FLNB: variants seen among roughly 807,000 people sequenced by gnomAD.
The protein encoded by FLNB is filamin B.
In FLNB, 111 loss-of-function variants were observed where a neutral mutation model predicts 250.6. The observed-to-expected ratio is 0.44, with a 90% confidence interval of 0.38 to 0.52. The LOEUF (loss-of-function observed/expected upper bound fraction) is 0.52. Among genes scored for constraint, FLNB ranks in the 20% least tolerant of loss-of-function variants. The pLI, the probability that FLNB is intolerant of heterozygous loss-of-function variation, is 0.00. For synonymous variants in FLNB, 1,302 were observed against 1,372.1 expected, an observed-to-expected ratio of 0.95 and a Z score of 1.13; for missense variants, 2,869 against 3,447.8, an observed-to-expected ratio of 0.83 and a Z score of 4.20.
At chr3:58,058,395 C>T (rs2097173506) in intron 1 of FLNB, among the ~76,000 whole-genome samples, 1 of 152,130 alleles carries the variant, frequency 6.6e-6, no homozygotes, top group Non-Finnish European at 1.5e-5. Flanking sequence ...TTATGGGGCT[C>T]CATCCCTGCA....
At chr3:58,108,077 TGGGCCACACATAAAATA>T (rs2097262560) in intron 12 of FLNB, among the ~76,000 whole-genome samples, 1 of 150,334 alleles carries the variant, frequency 6.7e-6, no homozygotes, top group Admixed American at 6.7e-5. Flanking sequence ...AGAATTGTCT[TGGGCCACACATAAAATA>T]CTAATGATAG....
In FLNB at chr3:58,118,941, G is replaced by A. The variant is rs752189175; in HGVS notation, c.2815G>A (p.Ala939Thr). 2 of 1,614,124 alleles carry A rather than the reference G, an allele frequency of 1.2e-6. No homozygotes were observed. Among genetic ancestry groups the A allele is most frequent in the Non-Finnish European group, 1.7e-6 (2 of 1,179,994 alleles). Residue 939 changes from alanine to threonine, a missense_variant, in exon 19 of 46, where the codon GCT becomes ACT. Ala to Thr is a moderately conservative substitution (Grantham distance 58, BLOSUM62 0). Around this residue, in one of 5 missense-constraint regions of FLNB, gnomAD observed 1,348 missense variants for 1,466.7 expected, o/e 0.92. Transcript: ENST00000295956. Reference sequence around the variant, plus strand: ...TAAAAGCCCTTTCACTGTGGGTGTTGCTGCACCGCTGGATCTGAGCAAGAT... The same window carrying A: ...TAAAAGCCCTTTCACTGTGGGTGTTACTGCACCGCTGGATCTGAGCAAGAT... ...IPKSPFTVGV[A>T]APLDLSKIKL...
intron 16 of FLNB, among the ~76,000 whole-genome samples, chr3:58,111,282 TTAG>T (rs1435227245): frequency 6.6e-6 from 1 of 152,210 alleles, no homozygotes; most frequent in Admixed American, 6.5e-5. Context: ...AATGGAAATC[TTAG>T]TAGAATGTTC....
rs2097209454 is a variant in FLNB, at chr3:58,081,695, C to T, written c.706C>T (p.Gln236Ter). ...DEHSVMTYLS[Q>*]FPKAKLKPGA... ...GCACTCAGTTATGACTTACCTGTCC[C>T]AGTTCCCCAAAGCCAAGCTCAAGCC... Residue 236 changes from glutamine to a stop codon, truncating the protein, a stop_gained, in exon 4 of 46, where the codon CAG (glutamine) becomes TAG (stop). Transcript: ENST00000295956. LOFTEE classifies it high-confidence loss of function. 1.2e-6 allele frequency: 2 copies of T among 1,614,070 alleles called. No individual in the cohort carries two copies.
Position 58,148,494 on chromosome 3 carries a change from C to T in FLNB, c.5887+130C>T, listed in dbSNP as rs370757444. 4.9e-5 allele frequency: 62 copies of T among 1,254,434 alleles called. No individual in the cohort carries two copies. In the African/African-American group the frequency reaches 7.1e-4, roughly 14 times the overall value. 77.7% of individuals were successfully genotyped at this position (1,254,434 alleles called of 1,614,324 possible). On this transcript the variant is annotated intron_variant, in intron 35 of 45. Transcript: ENST00000295956. The stretch of plus-strand genomic sequence containing the variant: ...TGATAAACCTGCTGGGTCACACGCA[C>T]GATAAATGCCCAAGCGTATTTGTGC...
chr3:58,076,143 T>A (rs1197161582), intron 1 of FLNB, among the ~76,000 whole-genome samples: 1 of 152,152 alleles, frequency 6.6e-6, no homozygotes, highest in Non-Finnish European at 1.5e-5. Context: ...AATATGAAAA[T>A]GATTGATAAC....
In FLNB at chr3:58,124,425, C is replaced by T; in HGVS notation, c.3818C>T (p.Pro1273Leu). The T allele has an allele frequency of 1.2e-6, 2 of 1,614,194 alleles. No homozygotes were observed. Among genetic ancestry groups the T allele is most frequent in the Non-Finnish European group, 1.7e-6 (2 of 1,180,036 alleles). Residue 1273 changes from proline (P) to leucine (L), a missense_variant, in exon 22 of 46, where the codon CCC becomes CTC. By Grantham distance (98) the Pro-to-Leu change is moderately conservative (BLOSUM62 -3). Transcript: ENST00000295956. ...CACATCAAGGCCCACATTGCCAACC[C>T]CTCAGGGGCCTCCACCGAGTGCTTT... ...GDHIKAHIAN[P>L]SGASTECFVT... is the part of the protein sequence containing the mutation.
chr3:58,054,574 AAGG>A (rs1296905946), intron 1 of FLNB, among the ~76,000 whole-genome samples: 2 of 152,170 alleles, frequency 1.3e-5, no homozygotes, highest in Non-Finnish European at 2.9e-5. Context: ...AGGCCGCAGC[AAGG>A]AGAAGTGCAG....
At position 58,170,670 on chromosome 3, in the gene FLNB, T is replaced by C; in HGVS notation, c.7717T>C (p.Tyr2573His). ...AGGCAACCAGCAATACAACGTCACA[T>C]ACGTCGTCAAGGAGAGGGGCGATTA... ...HVGNQQYNVT[Y>H]VVKERGDYVL... is the part of the protein sequence containing the mutation. Residue 2573 changes from tyrosine to histidine, a missense_variant, in exon 46 of 46, where the codon TAC becomes CAC. This residue lies in a region of FLNB where 1,084 missense variants were observed against 1,315.5 expected (regional missense o/e 0.82). Coordinates refer to ENST00000295956, the MANE Select transcript of FLNB (RefSeq NM_001457.4). 6.2e-7 allele frequency: 1 copy of C among 1,614,088 alleles called. No homozygotes were observed. Among genetic ancestry groups the C allele is most frequent in the Non-Finnish European group, 8.5e-7 (1 of 1,180,008 alleles).
intron 6 of FLNB, among the ~76,000 whole-genome samples, 173 bp from the exon 7 acceptor site, chr3:58,097,642 T>G (rs2097241345): frequency 6.6e-6 from 1 of 152,122 alleles, no homozygotes; most frequent in African/African-American, 2.4e-5. Flanking sequence ...AGGGGCCAGG[T>G]GGGAGTCCCA....
chr3:58,076,348 G>A (rs367624490), intron 1 of FLNB, among the ~76,000 whole-genome samples: 5 of 151,774 alleles, frequency 3.3e-5, no homozygotes, highest in South Asian at 2.1e-4. Context: ...ACATACACAC[G>A]TGCACACACG....
intron 38 of FLNB, 121 bp downstream of exon 38, chr3:58,150,348 C>G: frequency 9.1e-7 from 1 of 1,103,884 alleles, no homozygotes; most frequent in Admixed American, 1.8e-5. Flanking sequence ...GCTGTGCTGA[C>G]CTTTTCATTT....
At position 58,169,595 on chromosome 3, in the gene FLNB, C is replaced by T. The variant is rs548593015; in HGVS notation, c.7423C>T (p.Arg2475Cys). The T allele has an allele frequency of 9.3e-6, 15 of 1,613,100 alleles. No homozygotes were observed. Among genetic ancestry groups the T allele is most frequent in the African/African-American group, 1.3e-5 (1 of 75,012 alleles). Reference sequence around the variant, plus strand: ...CCCTCCCTCCTGTATCTTAGGCCAGCGTCTAGTTAGCCCTGGCTCAGCCAA... The same window carrying T: ...CCCTCCCTCCTGTATCTTAGGCCAGTGTCTAGTTAGCCCTGGCTCAGCCAA... ...SPFKAKVTGQ[R>C]LVSPGSANET... Residue 2475 changes from arginine (R) to cysteine (C), a missense_variant, in exon 45 of 46, where the codon CGT becomes TGT. By Grantham distance (180) the Arg-to-Cys change is radical (BLOSUM62 -3). Transcript: ENST00000295956. This position sits in a 1 kb window ranked among gnomAD's most constrained non-coding sequence, Gnocchi z 4.8.
chr3:58,041,102 T>G (rs1281243762), intron 1 of FLNB, among the ~76,000 whole-genome samples: 1 of 152,122 alleles, frequency 6.6e-6, no homozygotes. Flanking sequence ...AGGCTACATT[T>G]ACGGTCACCT....
intron 9 of FLNB, 150 bp from the exon 10 acceptor site, chr3:58,103,809 G>A: frequency 1.2e-6 from 1 of 833,038 alleles, no homozygotes; most frequent in Non-Finnish European, 2.1e-6. Context: ...AGGCTTTGAG[G>A]GGAGAGGTCC....
At chr3:58,075,827 T>G (rs1376018995) in intron 1 of FLNB, among the ~76,000 whole-genome samples, 1 of 151,936 alleles carries the variant, frequency 6.6e-6, no homozygotes, top group Admixed American at 6.6e-5. Flanking sequence ...GGGGTCCTGG[T>G]AGAATGGGAG....
intron 4 of FLNB, among the ~76,000 whole-genome samples, chr3:58,083,407 C>T (rs1357098923): frequency 1.4e-5 from 2 of 147,112 alleles, no homozygotes; most frequent in African/African-American, 5.1e-5. Context: ...TGCTCTGTCG[C>T]CCAGGCTGGA....
intron 1 of FLNB, among the ~76,000 whole-genome samples, chr3:58,049,735 G>A (rs1372675074): frequency 6.6e-6 from 1 of 152,176 alleles, no homozygotes; most frequent in African/African-American, 2.4e-5. Context: ...GGAAAAATTG[G>A]CTTGCTCTCG....
chr3:58,115,693 C>T (rs1037375681), intron 18 of FLNB, among the ~76,000 whole-genome samples: 2 of 152,120 alleles, frequency 1.3e-5, no homozygotes, highest in African/African-American at 2.4e-5. Flanking sequence ...GCTTTGTGTC[C>T]GGATGCTCCC....
Sources: allele counts gnomAD v4.1 joint callset (sites outside exome capture counted in the v4.1 genomes callset), GRCh38; gene constraint gnomAD v4.1.1; regional missense constraint gnomAD v4.1.1; non-coding constraint Gnocchi (gnomAD v3.1); transcripts MANE v1.5; gene names NCBI Gene and HGNC (gene_info 2026-07-23, HGNC 2026-07-21).